Variants in ADAM12 observed in about 807,000 individuals in gnomAD.
The protein encoded by ADAM12 is disintegrin and metalloproteinase domain-containing protein 12.
In ADAM12, 70 loss-of-function variants were observed where a neutral mutation model predicts 106.4. The ratio of observed to expected loss-of-function variants is 0.66; its 90% CI spans 0.54 to 0.80. ADAM12 has a LOEUF of 0.80. ADAM12 is among the 30% of genes least tolerant of loss of function. ADAM12 has a pLI of 0.00. For synonymous variants in ADAM12, 420 were observed against 433.5 expected (o/e 0.97, Z 0.39); for missense variants, 1,010 against 1,171.9 (o/e 0.86, Z 2.02).
intron 4 of ADAM12, among the ~76,000 whole-genome samples, chr10:126,150,716 A>AC (rs1358589489): frequency 6.6e-6 from 1 of 152,164 alleles, no homozygotes; most frequent in African/African-American, 2.4e-5. Context: ...TCTTCTGTCT[A>AC]CCAATATTCC....
At chr10:126,118,874 A>G (rs1194286552) in intron 5 of ADAM12, among the ~76,000 whole-genome samples, 3 of 152,162 alleles carry the variant, frequency 2.0e-5, no homozygotes, top group African/African-American at 7.2e-5. Flanking sequence ...TTGTTTTTCA[A>G]TTCCTGAGTT....
chr10:126,321,982 A>C (rs1357646379), intron 2 of ADAM12, among the ~76,000 whole-genome samples: 1 of 151,562 alleles, frequency 6.6e-6, no homozygotes, highest in Non-Finnish European at 1.5e-5. Context: ...CAGCGAGCTG[A>C]TATCTATGGA....
At chr10:126,176,835 G>C (rs1207430826) in intron 3 of ADAM12, among the ~76,000 whole-genome samples, 2 of 152,160 alleles carry the variant, frequency 1.3e-5, no homozygotes, top group African/African-American at 2.4e-5. Flanking sequence ...GGGACTGCAG[G>C]AGCTTCCCTC....
chr10:126,099,139 C>G (rs1280708858), intron 9 of ADAM12, among the ~76,000 whole-genome samples: 1 of 152,190 alleles, frequency 6.6e-6, no homozygotes, highest in African/African-American at 2.4e-5. Flanking sequence ...GATCATGAAT[C>G]TAATGACACC....
chr10:126,198,979 A>C (rs1957648336), intron 3 of ADAM12, among the ~76,000 whole-genome samples: 1 of 152,202 alleles, frequency 6.6e-6, no homozygotes, highest in African/African-American at 2.4e-5. Context: ...AGAGTAAGGA[A>C]GGTAGGCTTG....
At chr10:126,263,994 AT>A (rs1441836192) in intron 3 of ADAM12, among the ~76,000 whole-genome samples, 1 of 152,234 alleles carries the variant, frequency 6.6e-6, no homozygotes, top group Non-Finnish European at 1.5e-5. Flanking sequence ...TTTTAAACAT[AT>A]TTATTGAATT....
intron 3 of ADAM12, among the ~76,000 whole-genome samples, chr10:126,245,938 G>C (rs1958620348): frequency 6.6e-6 from 1 of 152,166 alleles, no homozygotes. Context: ...CAAGATAAAG[G>C]AGAAAATTTG....
intron 2 of ADAM12, among the ~76,000 whole-genome samples, chr10:126,309,105 C>G (rs1417322715): frequency 1.3e-5 from 2 of 152,208 alleles, no homozygotes; most frequent in Non-Finnish European, 2.9e-5. Flanking sequence ...AGAGTGGACA[C>G]ATGGCCCAGG....
chr10:126,028,239 T>G (rs1241906407), intron 21 of ADAM12, among the ~76,000 whole-genome samples: 1 of 152,126 alleles, frequency 6.6e-6, no homozygotes, highest in East Asian at 1.9e-4. Context: ...AATATGAAAA[T>G]GGCCATACTG....
At chr10:126,177,010 G>C (rs1405765346) in intron 3 of ADAM12, among the ~76,000 whole-genome samples, 11 of 151,190 alleles carry the variant, frequency 7.3e-5, no homozygotes, top group Non-Finnish European at 1.5e-4. Context: ...TTAAGCAGGA[G>C]TGTGCCAAAG....
chr10:126,385,963 G>A (rs778440437), intron 1 of ADAM12, among the ~76,000 whole-genome samples: 18 of 152,310 alleles, frequency 1.2e-4, no homozygotes, highest in Admixed American at 2.6e-4. Context: ...GGGTAAGAGG[G>A]ATAAGAGGCT....
intron 3 of ADAM12, among the ~76,000 whole-genome samples, chr10:126,169,109 C>A (rs1957075243): frequency 6.6e-6 from 1 of 152,172 alleles, no homozygotes; most frequent in South Asian, 2.1e-4. Flanking sequence ...GGCCCACCCC[C>A]TCTACCTGCT....
chr10:126,324,194 A>G (rs1854209192), intron 2 of ADAM12, among the ~76,000 whole-genome samples: 1 of 152,242 alleles, frequency 6.6e-6, no homozygotes, highest in African/African-American at 2.4e-5. Flanking sequence ...AGACAAAGGT[A>G]TGGGAAGGAA....
chr10:126,131,124 T>C (rs1265413852), intron 5 of ADAM12, among the ~76,000 whole-genome samples: 5 of 67,552 alleles, frequency 7.4e-5, no homozygotes, highest in African/African-American at 3.2e-4. Flanking sequence ...TTTTTTTTTT[T>C]TTTTTTTTTG....
At chr10:126,293,978 C>A (rs995754246) in intron 2 of ADAM12, among the ~76,000 whole-genome samples, 1 of 152,196 alleles carries the variant, frequency 6.6e-6, no homozygotes, top group African/African-American at 2.4e-5. Context: ...ACTGTCTACC[C>A]ACTGGGCTTC....
chr10:126,021,283 A>G (rs1953762473), intron 21 of ADAM12, among the ~76,000 whole-genome samples: 1 of 152,248 alleles, frequency 6.6e-6, no homozygotes, highest in East Asian at 1.9e-4. Flanking sequence ...AGGACCCAGT[A>G]TATATCTAGC....
intron 1 of ADAM12, among the ~76,000 whole-genome samples, chr10:126,346,404 T>C (rs1041565763): frequency 1.3e-5 from 2 of 152,234 alleles, no homozygotes; most frequent in Non-Finnish European, 2.9e-5. Context: ...TTATAACTTC[T>C]GTTCTTTTAC....
At chr10:126,212,949 C>T (rs1199766509) in intron 3 of ADAM12, among the ~76,000 whole-genome samples, 1 of 150,816 alleles carries the variant, frequency 6.6e-6, no homozygotes, top group African/African-American at 2.4e-5. Flanking sequence ...TAAAACACAG[C>T]CTTTGAATGC....
intron 1 of ADAM12, among the ~76,000 whole-genome samples, chr10:126,385,277 G>A (rs928371311): frequency 1.3e-5 from 2 of 152,136 alleles, no homozygotes; most frequent in African/African-American, 4.8e-5. Flanking sequence ...TAATTACACA[G>A]CCATGATTAA....
Sources: allele counts gnomAD v4.1 joint callset (sites outside exome capture counted in the v4.1 genomes callset), GRCh38; gene constraint gnomAD v4.1.1; transcripts MANE v1.5; gene names NCBI Gene and HGNC (gene_info 2026-07-23, HGNC 2026-07-21).